PDE4D: variants seen among roughly 807,000 people sequenced by gnomAD.
PDE4D encodes the protein phosphodiesterase 4D.
PDE4D carries 24 observed loss-of-function variants against 87.4 expected under a neutral mutation model. The observed-to-expected ratio is 0.27, with a 90% confidence interval of 0.20 to 0.39. The LOEUF (loss-of-function observed/expected upper bound fraction) is 0.39, where lower values mean the gene tolerates loss of function less well. PDE4D is among the 10% of genes least tolerant of loss of function. The probability of loss-of-function intolerance (pLI) is 1.00; values close to 1 mark genes in which losing one functional copy is unlikely to be tolerated. For synonymous variants in PDE4D, 384 were observed against 383.2 expected, an observed-to-expected ratio of 1.00 and a Z score of -0.02; for missense variants, 714 against 1,041.0, an observed-to-expected ratio of 0.69 and a Z score of 4.32.
intron 5 of PDE4D, among the ~76,000 whole-genome samples, chr5:59,062,771 T>A (rs1384615038): frequency 6.9e-6 from 1 of 145,812 alleles, no homozygotes; most frequent in Non-Finnish European, 1.5e-5. Flanking sequence ...CAGATAAAAC[T>A]TTTTTTAAAG....
intron 1 of PDE4D, among the ~76,000 whole-genome samples, chr5:60,402,453 G>A (rs184730750): frequency 1.3e-5 from 2 of 152,194 alleles, no homozygotes; most frequent in Admixed American, 6.5e-5. Context: ...TGTGGGAGGT[G>A]TTCAGTAATT....
At chr5:59,968,674 G>A (rs63506661) in intron 3 of PDE4D, among the ~76,000 whole-genome samples, 51,583 of 151,754 alleles carry the variant, frequency 0.34, 10,828 homozygotes, top group East Asian at 0.73. Context: ...GTGAAACCTA[G>A]ATTTGATATT....
chr5:59,285,848 T>C (rs556735931), intron 1 of PDE4D, among the ~76,000 whole-genome samples: 1 of 152,272 alleles, frequency 6.6e-6, no homozygotes, highest in South Asian at 2.1e-4. Flanking sequence ...GTCACCACTG[T>C]CTATGAATGA....
chr5:59,771,697 T>C (rs560473943), intron 1 of PDE4D, among the ~76,000 whole-genome samples: 2 of 152,310 alleles, frequency 1.3e-5, no homozygotes, highest in South Asian at 4.1e-4. Flanking sequence ...TAGTATGCCA[T>C]GTAGAATGTT....
chr5:59,503,704 G>A (rs771650464), intron 1 of PDE4D, among the ~76,000 whole-genome samples: 2 of 152,260 alleles, frequency 1.3e-5, no homozygotes, highest in South Asian at 4.1e-4. Flanking sequence ...ACCTTTCAGT[G>A]AGCTGGGACA....
intron 1 of PDE4D, among the ~76,000 whole-genome samples, chr5:60,327,227 C>T (rs1756881638): frequency 6.6e-6 from 1 of 152,156 alleles, no homozygotes; most frequent in African/African-American, 2.4e-5. Flanking sequence ...AACCTAAATG[C>T]TGTTATACTT....
intron 1 of PDE4D, among the ~76,000 whole-genome samples, chr5:60,403,878 C>A (rs1741299871): frequency 6.6e-6 from 1 of 152,174 alleles, no homozygotes; most frequent in African/African-American, 2.4e-5. Context: ...ATAGTAAATG[C>A]CTTCTCTTTT....
At chr5:59,400,484 C>CA (rs1312281626) in intron 1 of PDE4D, among the ~76,000 whole-genome samples, 1 of 144,650 alleles carries the variant, frequency 6.9e-6, no homozygotes, top group African/African-American at 2.6e-5. Context: ...ATTGCAAGAA[C>CA]AAAAAACCAA....
chr5:60,161,656 C>T (rs1170248693), intron 2 of PDE4D, among the ~76,000 whole-genome samples: 2 of 152,050 alleles, frequency 1.3e-5, no homozygotes, highest in African/African-American at 4.8e-5. Flanking sequence ...TGCATATTTT[C>T]CCCTCACCTT....
chr5:59,462,369 C>T (rs976255063), intron 1 of PDE4D, among the ~76,000 whole-genome samples: 2 of 151,916 alleles, frequency 1.3e-5, no homozygotes, highest in African/African-American at 4.8e-5. Flanking sequence ...TGTGTCTTGG[C>T]TCAAGTTGTT....
chr5:60,442,554 G>A, intron 1 of PDE4D, among the ~76,000 whole-genome samples: 1 of 151,958 alleles, frequency 6.6e-6, no homozygotes, highest in Non-Finnish European at 1.5e-5. Flanking sequence ...TGCACGTTCT[G>A]CACATGTATC....
intron 2 of PDE4D, among the ~76,000 whole-genome samples, chr5:60,081,199 T>C (rs1456304009): frequency 6.6e-6 from 1 of 152,172 alleles, no homozygotes; most frequent in Non-Finnish European, 1.5e-5. Context: ...GATGGTAGTT[T>C]GTATTTCTGT....
At chr5:59,373,318 G>A (rs1784228729) in intron 1 of PDE4D, among the ~76,000 whole-genome samples, 1 of 152,152 alleles carries the variant, frequency 6.6e-6, no homozygotes, top group Admixed American at 6.5e-5. Flanking sequence ...CAAACAGCCA[G>A]TATAGACAAG....
chr5:59,983,982 A>T (rs1251179582), intron 3 of PDE4D, among the ~76,000 whole-genome samples: 3 of 152,200 alleles, frequency 2.0e-5, no homozygotes, highest in Non-Finnish European at 4.4e-5. Flanking sequence ...AAATAAATAC[A>T]TTATGCTATA....
At chr5:59,249,404 A>T (rs1759486987) in intron 1 of PDE4D, among the ~76,000 whole-genome samples, 1 of 152,138 alleles carries the variant, frequency 6.6e-6, no homozygotes, top group Non-Finnish European at 1.5e-5. Context: ...ATTTTTTGCA[A>T]CATATATTAA....
At chr5:59,704,758 C>G (rs1161038299) in intron 1 of PDE4D, among the ~76,000 whole-genome samples, 1 of 152,128 alleles carries the variant, frequency 6.6e-6, no homozygotes, top group African/African-American at 2.4e-5. Flanking sequence ...TCAGTAGGGT[C>G]CAAGTCTAGA....
chr5:59,354,719 T>A (rs1234856399), intron 1 of PDE4D, among the ~76,000 whole-genome samples: 1 of 152,166 alleles, frequency 6.6e-6, no homozygotes, highest in Non-Finnish European at 1.5e-5. Flanking sequence ...TCCACTCAAT[T>A]CAACTTATGA....
At chr5:59,951,469 GT>G (rs1274089030) in intron 3 of PDE4D, among the ~76,000 whole-genome samples, 1 of 152,116 alleles carries the variant, frequency 6.6e-6, no homozygotes. Context: ...AAACTAAAAA[GT>G]TTGGAAGGAT....
chr5:60,194,100 C>T (rs1384196077), intron 1 of PDE4D, among the ~76,000 whole-genome samples: 1 of 151,554 alleles, frequency 6.6e-6, no homozygotes, highest in Admixed American at 6.6e-5. Flanking sequence ...GTTCTCCCTC[C>T]TCAAGATATC....
Sources: allele counts gnomAD v4.1 joint callset (sites outside exome capture counted in the v4.1 genomes callset), GRCh38; gene constraint gnomAD v4.1.1; transcripts MANE v1.5; gene names NCBI Gene and HGNC (gene_info 2026-07-23, HGNC 2026-07-21).